The following KCNT1 variants were observed in gnomAD, a reference collection of about 807,000 sequenced individuals.
The protein encoded by KCNT1 is potassium channel subfamily T member 1.
In KCNT1, 78 loss-of-function variants were observed where a neutral mutation model predicts 147.8. That is an observed-to-expected ratio of 0.53 (90% CI 0.44 to 0.64). The LOEUF (loss-of-function observed/expected upper bound fraction) is 0.64, where lower values mean the gene tolerates loss of function less well. Ranked by LOEUF, KCNT1 falls within the 30% of genes least tolerant of loss-of-function variation. KCNT1 has a pLI of 0.00. For synonymous variants in KCNT1, 867 were observed against 748.8 expected, an observed-to-expected ratio of 1.16 and a Z score of -2.58; for missense variants, 1,419 against 1,750.3, an observed-to-expected ratio of 0.81 and a Z score of 3.38.
chr9:135,785,349 C>T lies in KCNT1; in HGVS notation c.3177+19C>T, dbSNP rs1332156215. ...AGCCCAGGTAAGCAACCCCTCCGTG[C>T]CCACGCAGCTTCTGCGGAGCACCAG... On this transcript the variant is annotated intron_variant, in intron 28 of 30. Transcript: ENST00000371757. The T allele has an allele frequency of 6.2e-7, 1 of 1,612,970 alleles. No homozygotes were observed. The highest frequency in any genetic ancestry group is 1.7e-5 in the Admixed American group (1 of 60,022).
chr9:135,768,166 T>C (rs1564366064), intron 13 of KCNT1, among the ~76,000 whole-genome samples: 1 of 131,350 alleles, frequency 7.6e-6, no homozygotes, highest in African/African-American at 2.9e-5. Context: ...TCTCCTAGGG[T>C]GTCCAGGAGT....
At chr9:135,734,884 T>A (rs1025922387) in intron 2 of KCNT1, among the ~76,000 whole-genome samples, 3 of 152,128 alleles carry the variant, frequency 2.0e-5, no homozygotes, top group Admixed American at 6.5e-5. Context: ...CGGCCCTTTG[T>A]GCAGTCATGG....
intron 28 of KCNT1, chr9:135,785,698 C>T (rs1833991931): frequency 2.0e-6 from 1 of 500,432 alleles, no homozygotes; most frequent in African/African-American, 1.9e-5. Flanking sequence ...GGGATGCCTA[C>T]CTCTTCCCAG....
intron 11 of KCNT1, among the ~76,000 whole-genome samples, chr9:135,761,180 T>C (rs1052761380): frequency 1.3e-5 from 2 of 152,234 alleles, no homozygotes; most frequent in Non-Finnish European, 2.9e-5. Flanking sequence ...CTTTCCCTTA[T>C]GGTTTCTGTT....
intron 1 of KCNT1, among the ~76,000 whole-genome samples, chr9:135,705,576 C>T (rs1276699009): frequency 1.3e-5 from 2 of 152,208 alleles, no homozygotes; most frequent in African/African-American, 4.8e-5. Flanking sequence ...TCAGCGTGCC[C>T]GTGCTAGGTG....
Position 135,777,543 on chromosome 9 carries a change from A to G in KCNT1, c.2522+33A>G, listed in dbSNP as rs1054011843. The G allele has an allele frequency of 6.7e-6, 7 of 1,047,116 alleles. No individual in the cohort carries two copies. In the African/African-American group the frequency reaches 1.6e-4, roughly 24 times the overall value. 64.9% of individuals were successfully genotyped at this position (1,047,116 alleles called of 1,614,324 possible). ...TCCTGGGGCTCAGCCCACCCCGCCC[A>G]CCCGGGCCCTCAGACCTGCAGCCAG... On this transcript the variant is annotated intron_variant, in intron 21 of 30. Transcript: ENST00000371757.
At chr9:135,787,340 C>G (rs11103187) in intron 29 of KCNT1, among the ~76,000 whole-genome samples, 18,806 of 152,280 alleles carry the variant, frequency 0.12, 1,548 homozygotes, top group South Asian at 0.23. Flanking sequence ...TCTAGAGATG[C>G]TACCTCCGTT....
chr9:135,702,421 C>CG, intron 1 of KCNT1, 53 bp downstream of exon 1: 1 of 1,213,216 alleles, frequency 8.2e-7, no homozygotes, highest in Non-Finnish European at 1.1e-6. Context: ...TAACCTAAGA[C>CG]CCCCAAGTTC....
chr9:135,784,568 C>G lies in KCNT1; in HGVS notation c.2977C>G (p.Arg993Gly). ...FVKDYMITIT[R>G]LLLGLDTTPG... The stretch of plus-strand genomic sequence containing the variant: ...GAAGGACTACATGATCACCATCACC[C>G]GGCTGCTGCTGGGCCTGGACACCAC... Residue 993 changes from arginine (R) to glycine (G), a missense_variant, in exon 26 of 31, where the codon CGG becomes GGG. By Grantham distance (125) the Arg-to-Gly change is moderately radical. Around this residue, in one of 5 missense-constraint regions of KCNT1, gnomAD observed 247 missense variants for 397.1 expected, o/e 0.62. Coordinates refer to ENST00000371757, the MANE Select transcript of KCNT1 (RefSeq NM_020822.3). 1 of 1,535,332 alleles carries G rather than the reference C, an allele frequency of 6.5e-7. No homozygotes were observed. The highest frequency in any genetic ancestry group is 8.8e-7 in the Non-Finnish European group (1 of 1,135,532).
chr9:135,760,318 G>A (rs979865426), intron 11 of KCNT1, among the ~76,000 whole-genome samples: 5 of 152,214 alleles, frequency 3.3e-5, no homozygotes, highest in African/African-American at 1.2e-4. Flanking sequence ...AGGGGACGGG[G>A]CAAGACCTCA....
Position 135,765,048 on chromosome 9 carries a change from C to T in KCNT1, c.1053C>T (p.Tyr351=), listed in dbSNP as rs973806258. The part of the protein sequence containing the change: ...VLPLQFEELV[Y]LWMERQKSGG... Reference sequence around the variant, plus strand: ...ACCTGCAGTTCGAGGAGCTCGTCTACCTCTGGATGGAGCGGCAGAAGTCAG... The same window carrying T: ...ACCTGCAGTTCGAGGAGCTCGTCTATCTCTGGATGGAGCGGCAGAAGTCAG... Residue 351 remains tyrosine (Y), a synonymous_variant, in exon 12 of 31, where the codon TAC becomes TAT. Transcript: ENST00000371757. The T allele has an allele frequency of 8.1e-6, 13 of 1,612,154 alleles. No homozygotes were observed. The highest frequency in any genetic ancestry group is 1.3e-5 in the African/African-American group (1 of 74,912).
intron 5 of KCNT1, among the ~76,000 whole-genome samples, chr9:135,754,424 G>A (rs1227910463): frequency 7.9e-5 from 12 of 152,326 alleles, no homozygotes; most frequent in East Asian, 1.9e-4. Context: ...GTGAGGTGGC[G>A]GCTTCTCTTC....
intron 2 of KCNT1, among the ~76,000 whole-genome samples, chr9:135,748,233 C>T (rs1039805543): frequency 1.7e-4 from 26 of 152,264 alleles, no homozygotes; most frequent in Middle Eastern, 3.4e-3. Context: ...TGTGACCGGC[C>T]CCTGGCCCCT....
In KCNT1 at chr9:135,777,347, C is replaced by T. The variant is rs1360670404; in HGVS notation, c.2359C>T (p.His787Tyr). 1 of 1,613,470 alleles carries T rather than the reference C, an allele frequency of 6.2e-7. No homozygotes were observed. Among genetic ancestry groups the T allele is most frequent in the Non-Finnish European group, 8.5e-7 (1 of 1,179,608 alleles). Reference protein sequence around the residue: ...CCLRLDKGCKHNSYEDAKAYG... With the variant: ...CCLRLDKGCKYNSYEDAKAYG... ...CAGCATCTGCCCCCAGGGCTGCAAG[C>T]ACAACAGCTATGAAGACGCCAAGGC... Residue 787 changes from histidine (H) to tyrosine (Y), a missense_variant, in exon 21 of 31, where the codon CAC becomes TAC. By Grantham distance (83) the His-to-Tyr change is moderately conservative (BLOSUM62 2). Coordinates refer to ENST00000371757, the MANE Select transcript of KCNT1 (RefSeq NM_020822.3).
chr9:135,791,342 G>A (rs1834505642), intron 29 of KCNT1: 2 of 205,024 alleles, frequency 9.8e-6, no homozygotes, highest in African/African-American at 2.3e-5. Flanking sequence ...ATGAAGATCT[G>A]TGCAGACACA....
chr9:135,791,690 GC>G, intron 29 of KCNT1, 106 bp from the exon 30 acceptor site: 1 of 945,198 alleles, frequency 1.1e-6, no homozygotes. Context: ...GGTCAGGAAG[GC>G]CGGAAAGACT....
intron 1 of KCNT1, among the ~76,000 whole-genome samples, chr9:135,711,675 C>T (rs1835495583): frequency 6.6e-6 from 1 of 152,214 alleles, no homozygotes; most frequent in Non-Finnish European, 1.5e-5. Flanking sequence ...TGTTGCCGTG[C>T]CCAGGTGTGG....
Position 135,784,501 on chromosome 9 carries a change from CCCTCCCTCCCTCCCTCCCT to C in KCNT1, c.2944-31_2944-13del. The C allele has an allele frequency of 9.3e-6, 4 of 429,072 alleles. No individual in the cohort carries two copies. Among genetic ancestry groups the C allele is most frequent in the South Asian group, 2.9e-5 (1 of 34,766 alleles). 26.6% of individuals were successfully genotyped at this position (429,072 alleles called of 1,614,324 possible). ...ACTGTGGCTCCCTCCCTCCCTCCCT[CCCTCCCTCCCTCCCTCCCT>C]CCCTCCCTGGCCAGTCCTTCGTGAA... is the stretch of plus-strand genomic sequence containing the variant. On this transcript the variant is annotated splice_polypyrimidine_tract_variant and intron_variant, in intron 25 of 30. Coordinates refer to ENST00000371757, the MANE Select transcript of KCNT1 (RefSeq NM_020822.3).
intron 2 of KCNT1, among the ~76,000 whole-genome samples, chr9:135,734,060 G>A (rs913420053): frequency 2.6e-5 from 4 of 152,122 alleles, no homozygotes; most frequent in Admixed American, 1.3e-4. Flanking sequence ...CTCAGCTCGC[G>A]GTAGGCAAAG....
Sources: gnomAD v4.1 joint callset for allele counts (sites outside exome capture counted in the v4.1 genomes callset) on GRCh38, gnomAD v4.1.1 for gene constraint, gnomAD v4.1.1 regional missense constraint, MANE v1.5 for transcripts, NCBI Gene and HGNC (gene_info 2026-07-23, HGNC 2026-07-21) for gene names.